OR3A2: variants seen among roughly 807,000 people sequenced by gnomAD.
OR3A2 encodes the protein olfactory receptor family 3 subfamily A member 2, also known as olfactory receptor 3A2.
For synonymous variants in OR3A2, 126 were observed against 159.3 expected (o/e 0.79, Z 1.57); for missense variants, 318 against 392.8 (o/e 0.81, Z 1.61).
chr17:3,310,247 T>A, intron 3 of OR3A2: 1 of 479,904 alleles, frequency 2.1e-6, no homozygotes, highest in South Asian at 1.6e-5. Flanking sequence ...CAACACCTCA[T>A]CCTGCTTCTG....
At chr17:3,372,269 GGCCGGGAAGAGGCA>G (rs2049635062) in intron 2 of OR3A2, among the ~76,000 whole-genome samples, 4 of 148,554 alleles carry the variant, frequency 2.7e-5, no homozygotes, top group South Asian at 2.3e-4. Flanking sequence ...ATGGGATGGC[GGCCGGGAAGAGGCA>G]CTCCTCACTT....
At chr17:3,307,833 C>G (rs1479082739) in intron 3 of OR3A2, among the ~76,000 whole-genome samples, 3 of 152,116 alleles carry the variant, frequency 2.0e-5, no homozygotes, top group Non-Finnish European at 4.4e-5. Context: ...AGGCTCTGGC[C>G]TCCTCCCAGC....
At chr17:3,341,193 A>G (rs1022199496) in intron 2 of OR3A2, among the ~76,000 whole-genome samples, 1 of 152,164 alleles carries the variant, frequency 6.6e-6, no homozygotes, top group African/African-American at 2.4e-5. Context: ...TGAATACAGC[A>G]CACTGATGGG....
chr17:3,338,527 G>A (rs545637752), intron 2 of OR3A2, among the ~76,000 whole-genome samples: 1 of 152,266 alleles, frequency 6.6e-6, no homozygotes, highest in East Asian at 1.9e-4. Context: ...ATTAAATAGG[G>A]AATCCTTTCC....
chr17:3,277,582 G>A (rs1450898922), exon 2 of OR3A2: 1 of 173,582 alleles, frequency 5.8e-6, no homozygotes, highest in African/African-American at 2.4e-5. Context: ...CAAAAACAGG[G>A]TAAAACTTGC....
At chr17:3,283,158 A>G (rs1479483902) in intron 1 of OR3A2, among the ~76,000 whole-genome samples, 2 of 152,144 alleles carry the variant, frequency 1.3e-5, no homozygotes, top group Non-Finnish European at 2.9e-5. Flanking sequence ...TGAGGACAGA[A>G]TATGTTTGAT....
chr17:3,328,132 G>A (rs62091262), intron 3 of OR3A2, among the ~76,000 whole-genome samples: 45 of 143,846 alleles, frequency 3.1e-4, no homozygotes, highest in Admixed American at 6.3e-4. Flanking sequence ...CATTGAATCT[G>A]TAAATTACCT....
intron 2 of OR3A2, among the ~76,000 whole-genome samples, chr17:3,360,371 T>TG (rs2049501751): frequency 6.6e-6 from 1 of 151,796 alleles, no homozygotes; most frequent in Non-Finnish European, 1.5e-5. Flanking sequence ...GTAGGTTGCC[T>TG]GTTCACCCTG....
chr17:3,280,230 C>T (rs555360998), intron 1 of OR3A2, among the ~76,000 whole-genome samples: 5 of 151,860 alleles, frequency 3.3e-5, no homozygotes, highest in Non-Finnish European at 5.9e-5. Flanking sequence ...CCTGAAATGA[C>T]GAAGGCATGT....
At chr17:3,380,914 C>T (rs1443341936) in intron 2 of OR3A2, among the ~76,000 whole-genome samples, 3 of 152,116 alleles carry the variant, frequency 2.0e-5, no homozygotes, top group African/African-American at 4.8e-5. Context: ...TGGATGTTTG[C>T]GTGTAAGATT....
In OR3A2 at chr17:3,291,555, C is replaced by A. The variant is rs1054296849; in HGVS notation, c.-84-12402G>T. 26 of 1,167,484 alleles carry A rather than the reference C, an allele frequency of 2.2e-5. 1 individual carries two copies. Among genetic ancestry groups the A allele is most frequent in the East Asian group, 1.2e-4 (5 of 42,042 alleles). 72.3% of individuals were successfully genotyped at this position (1,167,484 alleles called of 1,614,324 possible). A position where few individuals can be genotyped will look rare whatever the true frequency, so the allele number is the denominator to read the frequency against. On this transcript the variant is annotated intron_variant, in intron 3 of 4. Coordinates refer to the OR3A2 transcript ENST00000573491. ...CCATGAAACAGAAACAGGTGTGAAC[C>A]ATTTTTTTCCTAGTTTCTGGCTCTA...
chr17:3,292,325 A>G (rs760477994), intron 3 of OR3A2: 3 of 1,614,052 alleles, frequency 1.9e-6, no homozygotes, highest in South Asian at 2.2e-5. Flanking sequence ...ACAGGAGACG[A>G]CTCAACATTG....
chr17:3,345,853 T>A (rs958486075), intron 2 of OR3A2, among the ~76,000 whole-genome samples: 1 of 152,064 alleles, frequency 6.6e-6, no homozygotes, highest in Non-Finnish European at 1.5e-5. Context: ...CAAAACAAAA[T>A]GGATTAAAAC....
chr17:3,385,864 G>A lies in OR3A2; in HGVS notation c.-275+261C>T, dbSNP rs1284462184. The A allele has an allele frequency of 1.8e-5, 7 of 398,594 alleles. No homozygotes were observed. In the East Asian group the frequency reaches 2.5e-4, roughly 14 times the overall value. The allele number at this position is 398,594 out of a possible 1,614,324, so 24.7% of individuals were successfully genotyped here. ...CCTCAACATGCAGGAAGTCTACCCG[G>A]AGTTCTAGAATTTCGGCCGGCTGCC... On this transcript the variant is annotated intron_variant, in intron 1 of 4. Coordinates refer to the OR3A2 transcript ENST00000573491.
chr17:3,379,031 C>G (rs960431045), intron 2 of OR3A2, among the ~76,000 whole-genome samples: 2 of 152,168 alleles, frequency 1.3e-5, no homozygotes, highest in Non-Finnish European at 2.9e-5. Context: ...CTAGTGGGGA[C>G]TTGAATATCT....
intron 1 of OR3A2, among the ~76,000 whole-genome samples, chr17:3,281,255 G>A (rs2048774962): frequency 7.1e-6 from 1 of 140,586 alleles, no homozygotes; most frequent in Non-Finnish European, 1.5e-5. Context: ...TTTTTTTTGA[G>A]ATGGAGTCTC....
chr17:3,357,433 T>C (rs1294477867), intron 2 of OR3A2, among the ~76,000 whole-genome samples: 7 of 151,626 alleles, frequency 4.6e-5, no homozygotes, highest in Non-Finnish European at 8.8e-5. Flanking sequence ...AAGAACATCT[T>C]AGAACATCAA....
chr17:3,333,269 C>T (rs1186708177), intron 3 of OR3A2, among the ~76,000 whole-genome samples: 1 of 152,134 alleles, frequency 6.6e-6, no homozygotes, highest in African/African-American at 2.4e-5. Flanking sequence ...TTGGGAAATT[C>T]CAGCCTGGTA....
At chr17:3,292,998 GATTCTATCTTC>G (rs1567544932) in intron 3 of OR3A2, among the ~76,000 whole-genome samples, 3 of 151,906 alleles carry the variant, frequency 2.0e-5, no homozygotes, top group Non-Finnish European at 4.4e-5. Flanking sequence ...TAAACATACA[GATTCTATCTTC>G]AAAGAAACTA....
Sources: allele counts gnomAD v4.1 joint callset (sites outside exome capture counted in the v4.1 genomes callset), GRCh38; gene constraint gnomAD v4.1.1; transcripts MANE v1.5; gene names NCBI Gene and HGNC (gene_info 2026-07-23, HGNC 2026-07-21).